SRPX2: variants seen among roughly 807,000 people sequenced by gnomAD.
SRPX2 encodes sushi repeat-containing protein SRPX2.
A neutral mutation model predicts 45.3 loss-of-function variants in SRPX2; 26 were observed. That is an observed-to-expected ratio of 0.57 (90% CI 0.42 to 0.80). The LOEUF (loss-of-function observed/expected upper bound fraction) is 0.80. Among genes scored for constraint, SRPX2 ranks in the 30% least tolerant of loss-of-function variants. The pLI is 0.00. For synonymous variants in SRPX2, 125 were observed against 143.7 expected, an observed-to-expected ratio of 0.87 and a Z score of 0.93; for missense variants, 355 against 399.8, an observed-to-expected ratio of 0.89 and a Z score of 0.95.
intron 3 of SRPX2, among the ~76,000 whole-genome samples, chrX:100,654,907 G>A (rs1162129588): frequency 8.9e-6 from 1 of 111,822 alleles, no homozygotes; most frequent in Non-Finnish European, 1.9e-5. Context: ...AGTCAGCTGG[G>A]GCTGCTGCTT....
At chrX:100,664,743 C>A (rs781310478) in intron 4 of SRPX2, 31 bp from the exon 5 acceptor site, 15 of 1,185,404 alleles carry the variant, frequency 1.3e-5, no homozygotes, top group Admixed American at 2.3e-5. Flanking sequence ...GTCGCACAAG[C>A]CACTGAGCTT....
chrX:100,668,537 G>T (rs1248695811), intron 9 of SRPX2, among the ~76,000 whole-genome samples: 3 of 110,663 alleles, frequency 2.7e-5, no homozygotes, highest in African/African-American at 9.9e-5. Flanking sequence ...TGAAACAGAG[G>T]TGGGGTGCCG....
intron 3 of SRPX2, among the ~76,000 whole-genome samples, chrX:100,654,689 A>G (rs963543321): frequency 8.9e-6 from 1 of 111,963 alleles, no homozygotes; most frequent in African/African-American, 3.3e-5. Context: ...TCAGAGAGTC[A>G]CAGAGAATTT....
intron 2 of SRPX2, among the ~76,000 whole-genome samples, chrX:100,649,023 C>A (rs755564275): frequency 3.5e-4 from 39 of 112,271 alleles, no homozygotes; most frequent in African/African-American, 1.3e-3. Context: ...TAGTACCTAC[C>A]CTGCTGACAT....
chrX:100,649,249 A>G (rs1451898661), intron 2 of SRPX2: 2 of 111,229 alleles, frequency 1.8e-5, no homozygotes, highest in East Asian at 5.7e-4. Context: ...TAACCGGAGC[A>G]GGAAGACCTA....
At chrX:100,652,089 A>C in intron 3 of SRPX2, among the ~76,000 whole-genome samples, 1 of 112,292 alleles carries the variant, frequency 8.9e-6, no homozygotes, top group South Asian at 3.7e-4. Context: ...TTGTCATTTT[A>C]GAACATTAAC....
Position 100,646,253 on chromosome X carries a change from C to T in SRPX2, c.-70C>T. On this transcript the variant is annotated 5_prime_UTR_variant, in exon 2 of 11. Coordinates refer to ENST00000373004, the MANE Select transcript of SRPX2 (RefSeq NM_014467.3). ...TAATTGATGGCTGACTTCTGAAAGT[C>T]ACTTTCCTTTGCCCTGGTACTTCAG... 9.8e-7 allele frequency: 1 copy of T among 1,023,265 alleles called. No individual in the cohort carries two copies. The highest frequency in any genetic ancestry group is 1.4e-6 in the Non-Finnish European group (1 of 726,825). 84.3% of individuals were successfully genotyped at this position (1,023,265 alleles called of 1,213,427 possible).
chrX:100,674,281 A>G lies in SRPX2; in HGVS notation c.*3294A>G, dbSNP rs940720928. ...TTCTCAGTGTTCTCCTTAGATACCA[A>G]ATACAAAGGACGAGGGATCAAGCTC... On this transcript the variant is annotated 3_prime_UTR_variant, in exon 11 of 11. Coordinates refer to ENST00000373004, the MANE Select transcript of SRPX2 (RefSeq NM_014467.3). 2 of 112,240 alleles carry G rather than the reference A, an allele frequency of 1.8e-5. No homozygotes were observed. Among genetic ancestry groups the G allele is most frequent in the Non-Finnish European group, 3.8e-5 (2 of 53,279 alleles). 9.2% of individuals were successfully genotyped at this position (112,240 alleles called of 1,213,427 possible).
intron 2 of SRPX2, among the ~76,000 whole-genome samples, chrX:100,647,394 C>T (rs1281838153): frequency 1.8e-5 from 2 of 112,908 alleles, no homozygotes; most frequent in Non-Finnish European, 3.7e-5. Flanking sequence ...GGAACAGCTG[C>T]ATCAAGCTTT....
At chrX:100,664,644 T>G in intron 4 of SRPX2, 130 bp from the exon 5 acceptor site, 1 of 675,464 alleles carries the variant, frequency 1.5e-6, no homozygotes. Context: ...GGCACAAAAA[T>G]GTAAGGGCAG....
At chrX:100,662,473 A>G in intron 4 of SRPX2, 106 bp downstream of exon 4, 2 of 935,049 alleles carry the variant, frequency 2.1e-6, no homozygotes, top group African/African-American at 1.9e-5. Context: ...CCTTCTCTCA[A>G]GTACAAATTG....
intron 3 of SRPX2, 166 bp downstream of exon 3, chrX:100,651,031 G>C: frequency 2.2e-6 from 1 of 454,079 alleles, no homozygotes; most frequent in Non-Finnish European, 3.8e-6. Flanking sequence ...GACTTACTGT[G>C]TGACCTCACC....
At position 100,672,190 on chromosome X, in the gene SRPX2, C is replaced by T. The variant is rs2083229562; in HGVS notation, c.*1203C>T. On this transcript the variant is annotated 3_prime_UTR_variant, in exon 11 of 11. Transcript: ENST00000373004. ...GTGGAGCCACACACAGATCCCTGCT[C>T]TGACTGCAGTCCCTCTCAATGGTGT... 1 of 112,671 alleles carries T rather than the reference C, an allele frequency of 8.9e-6. No homozygotes were observed. Among genetic ancestry groups the T allele is most frequent in the African/African-American group, 3.2e-5 (1 of 31,004 alleles). 9.3% of individuals were successfully genotyped at this position (112,671 alleles called of 1,213,427 possible).
chrX:100,652,356 C>T (rs1274653634), intron 3 of SRPX2, among the ~76,000 whole-genome samples: 2 of 112,277 alleles, frequency 1.8e-5, no homozygotes, highest in Non-Finnish European at 3.8e-5. Flanking sequence ...TAAGACCCCT[C>T]TCAGAAAGAC....
chrX:100,664,083 T>C (rs2083196333), intron 4 of SRPX2, among the ~76,000 whole-genome samples: 2 of 111,922 alleles, frequency 1.8e-5, no homozygotes. Flanking sequence ...CATTGTCTTT[T>C]TTAATTTATA....
At chrX:100,650,997 T>C in intron 3 of SRPX2, 132 bp downstream of exon 3, 3 of 510,826 alleles carry the variant, frequency 5.9e-6, no homozygotes, top group South Asian at 5.8e-5. Context: ...GGGGCTGTGA[T>C]TTCTCATCAT....
Position 100,646,561 on chromosome X carries a change from C to G in SRPX2, c.82+157C>G, listed in dbSNP as rs1300549569. On this transcript the variant is annotated intron_variant, in intron 2 of 10. Transcript: ENST00000373004. ...GATGGTTAAACATGGCAACAGACTA[C>G]CAAGGGAGGCTTTTAAGGCAGCCTA... Among the ~76,000 whole-genome samples the G allele has an allele frequency of 2.7e-5, 3 of 111,916 alleles. No individual in the cohort carries two copies. In the Admixed American group the frequency reaches 2.8e-4, roughly 11 times the overall value.
chrX:100,658,744 C>T (rs751631002), intron 3 of SRPX2, among the ~76,000 whole-genome samples: 6 of 112,036 alleles, frequency 5.4e-5, no homozygotes, highest in African/African-American at 1.9e-4. Context: ...TCCATGAACA[C>T]GGGATATCTA....
At chrX:100,649,939 G>A (rs2083147328) in intron 2 of SRPX2, among the ~76,000 whole-genome samples, 1 of 112,154 alleles carries the variant, frequency 8.9e-6, no homozygotes, top group Non-Finnish European at 1.9e-5. Context: ...AAAGGACCAA[G>A]TTGTTTTCCA....
Sources: allele counts gnomAD v4.1 joint callset (sites outside exome capture counted in the v4.1 genomes callset), GRCh38; gene constraint gnomAD v4.1.1; transcripts MANE v1.5; gene names NCBI Gene and HGNC (gene_info 2026-07-23, HGNC 2026-07-21).